The following TAC1 variants were observed in gnomAD, a reference collection of about 807,000 sequenced individuals.
TAC1 encodes the protein protachykinin-1.
TAC1 carries 12 observed loss-of-function variants against 21.7 expected under a neutral mutation model. The ratio of observed to expected loss-of-function variants is 0.55; its 90% CI spans 0.35 to 0.89. The LOEUF (loss-of-function observed/expected upper bound fraction) is 0.89. TAC1 is among the 40% of genes least tolerant of loss of function. TAC1 has a pLI of 0.01. For synonymous variants in TAC1, 52 were observed against 52.0 expected (o/e 1.00, Z 0.00); for missense variants, 128 against 151.4 (o/e 0.85, Z 0.81).
chr7:97,732,994 C>A lies in TAC1; in HGVS notation c.123+259C>A. 3 of 364,810 alleles carry A rather than the reference C, an allele frequency of 8.2e-6. No individual in the cohort carries two copies. Among genetic ancestry groups the A allele is most frequent in the South Asian group, 6.1e-5 (1 of 16,362 alleles). 22.6% of individuals were successfully genotyped at this position (364,810 alleles called of 1,614,324 possible). On this transcript the variant is annotated intron_variant, in intron 2 of 6. Transcript: ENST00000319273. The surrounding 1 kb of genome is among the most constrained non-coding windows in gnomAD (Gnocchi z 6.2). ...CAGTAGGGATGCCCTCCCGGATGAG[C>A]CCGAGATCCTCACAAGGCGGGAAAT...
rs1170923775 is a variant in TAC1 at position 97,733,820 on chromosome 7, G to A, written c.220+1G>A. 6.2e-7 allele frequency: 1 copy of A among 1,614,132 alleles called. No homozygotes were observed. The highest frequency in any genetic ancestry group is 1.3e-5 in the African/African-American group (1 of 75,058). ...GGATTAATGGGCAAACGGGATGCTG[G>A]TGAGATAGGCGACCGTCCCTAGGTG... On this transcript the variant is annotated splice_donor_variant, in intron 3 of 6. Coordinates refer to ENST00000319273, the MANE Select transcript of TAC1 (RefSeq NM_003182.3). LOFTEE classifies it high-confidence loss of function.
chr7:97,739,723 AAGAT>A (rs778087709), intron 6 of TAC1, 147 bp from the exon 7 acceptor site: 36 of 524,208 alleles, frequency 6.9e-5, no homozygotes, highest in Non-Finnish European at 1.1e-4. Context: ...GCAGGATTGG[AAGAT>A]GTGCAGATAA....
chr7:97,739,848 A>G (rs1463278804), intron 6 of TAC1, 26 bp from the exon 7 acceptor site: 2 of 1,591,476 alleles, frequency 1.3e-6, no homozygotes, highest in South Asian at 2.3e-5. Flanking sequence ...CACTTAAAAA[A>G]CACTTTATCT....
rs767627291 is a variant in TAC1, at chr7:97,734,875, TA to T, written c.289+27del. The stretch of plus-strand genomic sequence containing the variant: ...GTAAGTTCAAAATTATTTTGACATT[TA>T]TCAAATTTAAATGTAAAATTATATT... On this transcript the variant is annotated intron_variant, in intron 5 of 6. Coordinates refer to ENST00000319273, the MANE Select transcript of TAC1 (RefSeq NM_003182.3). 2.0e-6 allele frequency: 3 copies of T among 1,537,728 alleles called. No individual in the cohort carries two copies. The East Asian group carries it at 6.8e-5, about 35-fold the overall frequency.
intron 6 of TAC1, among the ~76,000 whole-genome samples, chr7:97,737,976 T>C (rs948496889): frequency 6.6e-6 from 1 of 152,024 alleles, no homozygotes; most frequent in African/African-American, 2.4e-5. Context: ...AATGTAGATA[T>C]TGTACAAGTT....
At chr7:97,739,219 A>T (rs1789646233) in intron 6 of TAC1, among the ~76,000 whole-genome samples, 1 of 151,946 alleles carries the variant, frequency 6.6e-6, no homozygotes, top group African/African-American at 2.4e-5. Flanking sequence ...GCAGTCCATC[A>T]CTGGGAGGTA....
chr7:97,739,876 G>A lies in TAC1; in HGVS notation c.346G>A (p.Ala116Thr), dbSNP rs200273862. The change falls in exon 7 of 7, where the codon GCT (alanine) becomes ACT (threonine). Residue 116 changes from alanine to threonine, a missense_variant and splice_region_variant. Transcript: ENST00000319273. ...CTTTATCTCTTCTTTGTTTTCAGTG[G>A]CTTATGAAAGGAGTGCAATGCAGAA... ...LMGKRALNSV[A>T]YERSAMQNYE... is the part of the protein sequence containing the mutation. 258 of 1,603,190 alleles carry A rather than the reference G, an allele frequency of 1.6e-4. No individual in the cohort carries two copies. The highest frequency in any genetic ancestry group is 2.0e-4 in the Non-Finnish European group (238 of 1,175,224).
rs558603786 is a variant in TAC1, at chr7:97,735,740, T to C, written c.290-559T>C. Among the ~76,000 whole-genome samples the C allele has an allele frequency of 6.6e-5, 10 of 152,290 alleles. No individual in the cohort carries two copies. In the South Asian group the frequency reaches 1.9e-3, roughly 28 times the overall value. ...CTAAGGATTTGACTTTGAAGAGAAT[T>C]ATATATAAAAATTCTATGTAATAAA... On this transcript the variant is annotated intron_variant, in intron 5 of 6. Coordinates refer to ENST00000319273, the MANE Select transcript of TAC1 (RefSeq NM_003182.3).
chr7:97,740,281 C>T lies in TAC1; in HGVS notation c.*361C>T, dbSNP rs1789680122. On this transcript the variant is annotated 3_prime_UTR_variant, in exon 7 of 7. Coordinates refer to ENST00000319273, the MANE Select transcript of TAC1 (RefSeq NM_003182.3). The stretch of plus-strand genomic sequence containing the variant: ...AACTCCTGACAGTCTTGTGCTTTTC[C>T]TATTTGTTTTCATGGTGAAAATGTA... The T allele has an allele frequency of 6.1e-6, 1 of 164,652 alleles. No individual in the cohort carries two copies. The highest frequency in any genetic ancestry group is 2.4e-5 in the African/African-American group (1 of 41,978). 10.2% of individuals were successfully genotyped at this position (164,652 alleles called of 1,614,324 possible).
At chr7:97,736,463 T>C (rs1029462706) in intron 6 of TAC1, 111 bp downstream of exon 6, 2 of 1,025,012 alleles carry the variant, frequency 2.0e-6, no homozygotes, top group Non-Finnish European at 1.5e-6. Context: ...AAAATGAGTA[T>C]TATGGTGGAA....
chr7:97,732,942 TG>T lies in TAC1; in HGVS notation c.123+208del, dbSNP rs1584415433. ...ACGATTCAAGTTTCTTCCCGAGGGC[TG>T]CACCGTCCGGCCCAGGAACTCCCTG... On this transcript the variant is annotated intron_variant, in intron 2 of 6. Coordinates refer to ENST00000319273, the MANE Select transcript of TAC1 (RefSeq NM_003182.3). This position sits in a 1 kb window ranked among gnomAD's most constrained non-coding sequence, Gnocchi z 6.2. 4.3e-5 allele frequency: 27 copies of T among 632,432 alleles called. No homozygotes were observed. The East Asian group carries it at 8.1e-4, about 19-fold the overall frequency. The allele number at this position is 632,432 out of a possible 1,614,324, so 39.2% of individuals were successfully genotyped here.
chr7:97,734,246 A>G lies in TAC1; in HGVS notation c.221-2A>G. 6.2e-7 allele frequency: 1 copy of G among 1,613,938 alleles called. No individual in the cohort carries two copies. Among genetic ancestry groups the G allele is most frequent in the East Asian group, 2.2e-5 (1 of 44,888 alleles). ...AGTTAATGACAATTCGTCTCTTGTC[A>G]GATTCCTCAATTGAAAAACAAGTGG... On this transcript the variant is annotated splice_acceptor_variant, in intron 3 of 6. Coordinates refer to ENST00000319273, the MANE Select transcript of TAC1 (RefSeq NM_003182.3). LOFTEE classifies it high-confidence loss of function.
intron 6 of TAC1, among the ~76,000 whole-genome samples, chr7:97,738,819 C>T (rs1789632946): frequency 6.6e-6 from 1 of 151,864 alleles, no homozygotes; most frequent in South Asian, 2.1e-4. Context: ...TTTCTGTTTA[C>T]ATTCAGTATT....
At chr7:97,737,400 T>A (rs1789599887) in intron 6 of TAC1, among the ~76,000 whole-genome samples, 2 of 152,018 alleles carry the variant, frequency 1.3e-5, no homozygotes, top group African/African-American at 4.8e-5. Context: ...ATTATCCTAG[T>A]GTTTTTTAAT....
intron 6 of TAC1, among the ~76,000 whole-genome samples, chr7:97,738,323 A>G (rs1789621894): frequency 6.6e-6 from 1 of 151,964 alleles, no homozygotes; most frequent in Non-Finnish European, 1.5e-5. Flanking sequence ...CATACACTCA[A>G]AAATTTATAT....
At chr7:97,733,996 GA>G in intron 3 of TAC1, 177 bp downstream of exon 3, 1 of 709,326 alleles carries the variant, frequency 1.4e-6, no homozygotes, top group Non-Finnish European at 2.3e-6. Context: ...CCCGCGGGGG[GA>G]GGGAAAGATC....
Position 97,732,459 on chromosome 7 carries a change from A to C in TAC1, c.-9-145A>C. 1.1e-6 allele frequency: 1 copy of C among 923,500 alleles called. No individual in the cohort carries two copies. The highest frequency in any genetic ancestry group is 1.7e-6 in the Non-Finnish European group (1 of 604,280). 57.2% of individuals were successfully genotyped at this position (923,500 alleles called of 1,614,324 possible). ...GACGCGATTCTCTCGCCTAACCGGT[A>C]CAGGTGAGACTTCAGTCCTTATGTT... On this transcript the variant is annotated intron_variant, in intron 1 of 6. Coordinates refer to ENST00000319273, the MANE Select transcript of TAC1 (RefSeq NM_003182.3). This position sits in a 1 kb window ranked among gnomAD's most constrained non-coding sequence, Gnocchi z 6.2.
Position 97,732,853 on chromosome 7 carries a change from C to A in TAC1, c.123+118C>A. 1 of 1,321,438 alleles carries A rather than the reference C, an allele frequency of 7.6e-7. No homozygotes were observed. The allele number at this position is 1,321,438 out of a possible 1,614,324, so 81.9% of individuals were successfully genotyped here. A position where few individuals can be genotyped will look rare whatever the true frequency, so the allele number is the denominator to read the frequency against. ...GCACCGCCACCACGGAAAGAGGCAG[C>A]GGTTGCGTGCGAGAGGATGGAAAGG... On this transcript the variant is annotated intron_variant, in intron 2 of 6. Transcript: ENST00000319273. This position sits in a 1 kb window ranked among gnomAD's most constrained non-coding sequence, Gnocchi z 6.2.
At chr7:97,739,014 A>ATATAC (rs1213088949) in intron 6 of TAC1, among the ~76,000 whole-genome samples, 1 of 150,194 alleles carries the variant, frequency 6.7e-6, no homozygotes, top group African/African-American at 2.4e-5. Flanking sequence ...ATATAATATA[A>ATATAC]TATACAATTT....
Sources: gnomAD v4.1 joint callset for allele counts (sites outside exome capture counted in the v4.1 genomes callset) on GRCh38, gnomAD v4.1.1 for gene constraint, Gnocchi (gnomAD v3.1) non-coding constraint, MANE v1.5 for transcripts, NCBI Gene and HGNC (gene_info 2026-07-23, HGNC 2026-07-21) for gene names.